The following GRIA1 variants were observed in gnomAD, a reference collection of about 807,000 sequenced individuals.
GRIA1 encodes the protein glutamate ionotropic receptor AMPA type subunit 1.
Under a neutral mutation model 99.2 loss-of-function variants are expected in GRIA1, and 31 were observed. The observed-to-expected ratio is 0.31, with a 90% CI of 0.23 to 0.42. The LOEUF (loss-of-function observed/expected upper bound fraction) is 0.42. Ranked by LOEUF, GRIA1 falls within the 10% of genes least tolerant of loss-of-function variation. GRIA1 has a pLI of 1.00. For synonymous variants in GRIA1, 438 were observed against 432.4 expected (o/e 1.01, Z -0.16); for missense variants, 782 against 1,157.5 (o/e 0.68, Z 4.71).
chr5:153,578,996 A>C (rs1285192027), intron 2 of GRIA1, among the ~76,000 whole-genome samples: 1 of 150,130 alleles, frequency 6.7e-6, no homozygotes, highest in Non-Finnish European at 1.5e-5. Context: ...ACAAGGATTA[A>C]ACTACTGATT....
At chr5:153,714,443 T>C (rs1759528853) in intron 11 of GRIA1, among the ~76,000 whole-genome samples, 1 of 152,232 alleles carries the variant, frequency 6.6e-6, no homozygotes, top group Non-Finnish European at 1.5e-5. Flanking sequence ...TCATACACTT[T>C]GGAAAATCCA....
chr5:153,638,365 T>C (rs533408275), intron 2 of GRIA1, among the ~76,000 whole-genome samples: 7 of 152,342 alleles, frequency 4.6e-5, no homozygotes, highest in Non-Finnish European at 7.3e-5. Context: ...ATGGAGCTCC[T>C]AACATGATTT....
chr5:153,636,548 C>T (rs776708259), intron 2 of GRIA1, among the ~76,000 whole-genome samples: 45 of 152,130 alleles, frequency 3.0e-4, no homozygotes, highest in Non-Finnish European at 3.2e-4. Context: ...CCACATGGCC[C>T]GCAAAACCTA....
At chr5:153,753,942 T>C (rs554339720) in intron 11 of GRIA1, among the ~76,000 whole-genome samples, 64 of 152,322 alleles carry the variant, frequency 4.2e-4, no homozygotes, top group African/African-American at 1.5e-3. Flanking sequence ...CTGTACCAGT[T>C]TAATTCCAGC....
At chr5:153,759,480 A>G (rs1334683868) in intron 11 of GRIA1, among the ~76,000 whole-genome samples, 1 of 151,986 alleles carries the variant, frequency 6.6e-6, no homozygotes, top group African/African-American at 2.4e-5. Flanking sequence ...TCTTAGACAC[A>G]TGCAACCTAT....
At chr5:153,746,041 C>G (rs375364433) in intron 11 of GRIA1, among the ~76,000 whole-genome samples, 1 of 152,148 alleles carries the variant, frequency 6.6e-6, no homozygotes. Context: ...TAGGTGAAAC[C>G]GAGGCTCAGA....
At chr5:153,603,225 A>T (rs1383504605) in intron 2 of GRIA1, among the ~76,000 whole-genome samples, 2 of 152,056 alleles carry the variant, frequency 1.3e-5, no homozygotes, top group African/African-American at 4.8e-5. Flanking sequence ...TTCCAATTTC[A>T]TCCATGTCCC....
intron 4 of GRIA1, among the ~76,000 whole-genome samples, chr5:153,653,174 G>A (rs2149461603): frequency 6.6e-6 from 1 of 152,284 alleles, no homozygotes; most frequent in South Asian, 2.1e-4. Flanking sequence ...ATTCTTTTCA[G>A]TGAATTAAAA....
At chr5:153,588,535 C>A (rs988012398) in intron 2 of GRIA1, among the ~76,000 whole-genome samples, 7 of 152,196 alleles carry the variant, frequency 4.6e-5, no homozygotes, top group Non-Finnish European at 7.3e-5. Context: ...ACAGAAGGAG[C>A]TTTGGAGTCA....
intron 2 of GRIA1, among the ~76,000 whole-genome samples, chr5:153,535,900 C>T (rs1030857232): frequency 4.6e-5 from 7 of 152,214 alleles, no homozygotes; most frequent in Admixed American, 3.3e-4. Flanking sequence ...TAATCTGTCA[C>T]GCTGTCAATG....
At chr5:153,741,755 G>A (rs567326121) in intron 11 of GRIA1, among the ~76,000 whole-genome samples, 9 of 152,184 alleles carry the variant, frequency 5.9e-5, no homozygotes, top group African/African-American at 2.2e-4. Flanking sequence ...CTGAGGCAGG[G>A]GGAAATGAGG....
At chr5:153,697,613 G>T (rs1433221466) in intron 8 of GRIA1, among the ~76,000 whole-genome samples, 1 of 152,120 alleles carries the variant, frequency 6.6e-6, no homozygotes, top group Non-Finnish European at 1.5e-5. Flanking sequence ...TAAAGTAAAA[G>T]AATGTAATGT....
intron 11 of GRIA1, among the ~76,000 whole-genome samples, chr5:153,751,064 C>T (rs1333828300): frequency 1.3e-5 from 2 of 152,186 alleles, no homozygotes; most frequent in East Asian, 1.9e-4. Flanking sequence ...CACGCCACTG[C>T]ACTCCAGCCT....
At chr5:153,781,954 C>T (rs190119737) in intron 13 of GRIA1, among the ~76,000 whole-genome samples, 50 of 152,172 alleles carry the variant, frequency 3.3e-4, no homozygotes, top group African/African-American at 1.1e-3. Context: ...GTAAAGAAGA[C>T]GAGTAAAATG....
intron 2 of GRIA1, among the ~76,000 whole-genome samples, chr5:153,561,494 T>C (rs752798596): frequency 1.3e-5 from 2 of 152,144 alleles, no homozygotes; most frequent in African/African-American, 2.4e-5. Flanking sequence ...AGCTGTAACT[T>C]GTAGAGCCTG....
At chr5:153,578,920 A>G (rs1236935318) in intron 2 of GRIA1, among the ~76,000 whole-genome samples, 1 of 152,138 alleles carries the variant, frequency 6.6e-6, no homozygotes, top group Admixed American at 6.5e-5. Flanking sequence ...AAATAAATAA[A>G]TAAATAAATA....
intron 2 of GRIA1, among the ~76,000 whole-genome samples, chr5:153,617,875 CCCACCTTCCCCT>C (rs1235655472): frequency 6.6e-6 from 1 of 152,196 alleles, no homozygotes; most frequent in Non-Finnish European, 1.5e-5. Context: ...GGTGGCATTA[CCCACCTTCCCCT>C]CCACCTTCAA....
At chr5:153,800,266 C>T (rs921152079) in intron 14 of GRIA1, among the ~76,000 whole-genome samples, 1 of 152,146 alleles carries the variant, frequency 6.6e-6, no homozygotes, top group African/African-American at 2.4e-5. Context: ...CCCACCCCTA[C>T]CCCTGTTTAA....
chr5:153,810,034 C>G (rs1352537056), intron 15 of GRIA1, among the ~76,000 whole-genome samples: 2 of 152,154 alleles, frequency 1.3e-5, no homozygotes, highest in Non-Finnish European at 2.9e-5. Flanking sequence ...GTCTGGATTT[C>G]CTATCATCAA....
Sources: gnomAD v4.1 joint callset for allele counts (sites outside exome capture counted in the v4.1 genomes callset) on GRCh38, gnomAD v4.1.1 for gene constraint, MANE v1.5 for transcripts, NCBI Gene and HGNC (gene_info 2026-07-23, HGNC 2026-07-21) for gene names.